The following ADAP1 variants were observed in gnomAD, a reference collection of about 807,000 sequenced individuals.
ADAP1 encodes the protein arf-GAP with dual PH domain-containing protein 1.
In ADAP1, 31 loss-of-function variants were observed where a neutral mutation model predicts 54.9. The observed-to-expected ratio is 0.56, with a 90% CI of 0.42 to 0.76. The LOEUF (loss-of-function observed/expected upper bound fraction) is 0.76, where lower values mean the gene tolerates loss of function less well. ADAP1 is among the 30% of genes least tolerant of loss of function. The pLI is 0.00. For missense variants in ADAP1, 535 were observed against 512.4 expected, an observed-to-expected ratio of 1.04 and a Z score of -0.42; for synonymous variants, 313 against 202.6, an observed-to-expected ratio of 1.55 and a Z score of -4.63.
At chr7:905,777 GAGAAAGGAGAAAGGA>G (rs1562912906) in intron 4 of ADAP1, among the ~76,000 whole-genome samples, 6 of 36,972 alleles carry the variant, frequency 1.6e-4, no homozygotes, top group African/African-American at 2.2e-4. Context: ...AAGGAGAAAG[GAGAAAGGAGAAAGGA>G]GAAAGGAGAA....
At chr7:955,261 A>G, upstream of ADAP1, 1 of 1,543,588 alleles carries the variant, frequency 6.5e-7, no homozygotes, top group East Asian at 2.4e-5. Context: ...ATGGGGGCTG[A>G]CAGGTAACAA....
chr7:906,654 AGGGGGC>A lies in ADAP1; in HGVS notation c.389-1488_389-1483del, dbSNP rs1163698635. Among the ~76,000 whole-genome samples the A allele has an allele frequency of 8.7e-4, 82 of 94,642 alleles. 1 individual carries two copies. Among genetic ancestry groups the A allele is most frequent in the East Asian group, 7.2e-3 (19 of 2,654 alleles). The allele number at this position is 94,642 out of a possible 152,430, so 62.1% of individuals were successfully genotyped here. ...GAGAAAGGAGAAAGGGAAAGGAGAA[AGGGGGC>A]GGGAAAGGGGACATGGACAGGGGAC... On this transcript the variant is annotated intron_variant, in intron 4 of 10. Transcript: ENST00000265846.
intron 1 of ADAP1, among the ~76,000 whole-genome samples, chr7:949,146 G>A (rs1399502926): frequency 6.6e-6 from 1 of 152,218 alleles, no homozygotes; most frequent in Non-Finnish European, 1.5e-5. Flanking sequence ...GACTGCACAG[G>A]GCAAGGCACT....
At position 946,615 on chromosome 7, in the gene ADAP1, G is replaced by A. The variant is rs906670968; in HGVS notation, c.82+7781C>T. 5.3e-5 allele frequency among the ~76,000 whole-genome samples: 6 copies of A among 112,524 alleles called. No homozygotes were observed. The highest frequency in any genetic ancestry group is 4.1e-4 in the Admixed American group (4 of 9,856). 73.8% of individuals were successfully genotyped at this position (112,524 alleles called of 152,430 possible). A position where few individuals can be genotyped will look rare whatever the true frequency, so the allele number is the denominator to read the frequency against. On this transcript the variant is annotated intron_variant, in intron 1 of 10. Coordinates refer to ENST00000265846, the MANE Select transcript of ADAP1 (RefSeq NM_006869.4). This position sits in a 1 kb window ranked among gnomAD's most constrained non-coding sequence, Gnocchi z 4.3. ...TCCAGCCCCATGGCGGGAACCCCAC[G>A]GTGAAGGCCATCCCCAGTCCTCCCT...
Position 935,576 on chromosome 7 carries a change from G to A in ADAP1, c.83-71C>T, listed in dbSNP as rs577535768. ...CCGGAGGGAGGGTGGACGGAGCCTC[G>A]AGTCAGGAGCCCCCGGCCATGCAGT... On this transcript the variant is annotated intron_variant, in intron 1 of 10. Transcript: ENST00000265846. The A allele has an allele frequency of 5.2e-6, 8 of 1,529,390 alleles. No individual in the cohort carries two copies. In the East Asian group the frequency reaches 1.2e-4, roughly 24 times the overall value. 94.7% of individuals were successfully genotyped at this position (1,529,390 alleles called of 1,614,324 possible).
At chr7:937,877 C>T (rs971220388) in intron 1 of ADAP1, among the ~76,000 whole-genome samples, 1 of 152,178 alleles carries the variant, frequency 6.6e-6, no homozygotes, top group Non-Finnish European at 1.5e-5. Flanking sequence ...TTAACGTGGG[C>T]TTCTTGAGGA....
intron 4 of ADAP1, among the ~76,000 whole-genome samples, chr7:912,061 C>T (rs866705896): frequency 2.0e-5 from 3 of 152,196 alleles, no homozygotes; most frequent in Non-Finnish European, 4.4e-5. Flanking sequence ...ACGGGGAAAC[C>T]GAGGCCCCAG....
At chr7:932,474 G>A (rs73044432) in intron 2 of ADAP1, among the ~76,000 whole-genome samples, 5,291 of 152,278 alleles carry the variant, frequency 0.035, 165 homozygotes, top group Non-Finnish European at 0.042. Flanking sequence ...GCCCCTGGAG[G>A]CCCTCCAGGG....
intron 1 of ADAP1, among the ~76,000 whole-genome samples, chr7:935,937 A>T (rs1211113980): frequency 1.3e-5 from 2 of 152,200 alleles, no homozygotes; most frequent in Non-Finnish European, 2.9e-5. Context: ...TGGGAAATTC[A>T]GATAGGATCT....
intron 4 of ADAP1, chr7:905,572 GGAGAAA>G: frequency 8.7e-6 from 1 of 115,348 alleles, no homozygotes; most frequent in South Asian, 3.4e-4. Context: ...AAAGGAGAAA[GGAGAAA>G]GGAGAAAGGA....
chr7:940,720 T>C (rs1846919643), intron 1 of ADAP1, among the ~76,000 whole-genome samples: 3 of 152,160 alleles, frequency 2.0e-5, no homozygotes, highest in Non-Finnish European at 4.4e-5. Flanking sequence ...GAAATCAAAA[T>C]GTAGGTCCAT....
rs368207652 is a variant in ADAP1 at position 918,810 on chromosome 7, G to A, written c.388+1158C>T. On this transcript the variant is annotated intron_variant, in intron 4 of 10. Transcript: ENST00000265846. ...AAACCACTCAAGGCCCACAGTACCC[G>A]AGCCCACCTCCTACAGAGCAGACAG... is the stretch of plus-strand genomic sequence containing the variant. Among the ~76,000 whole-genome samples, 38 of 152,316 alleles carry A rather than the reference G, an allele frequency of 2.5e-4. No individual in the cohort carries two copies. In the East Asian group the frequency reaches 6.9e-3, roughly 28 times the overall value.
chr7:953,806 G>A (rs1847324029), intron 1 of ADAP1, among the ~76,000 whole-genome samples: 1 of 152,224 alleles, frequency 6.6e-6, no homozygotes, highest in Non-Finnish European at 1.5e-5. Flanking sequence ...ACGGGCGGGC[G>A]GCGGGTGGAC....
At chr7:937,577 C>T (rs570211737) in intron 1 of ADAP1, among the ~76,000 whole-genome samples, 2 of 58,520 alleles carry the variant, frequency 3.4e-5, no homozygotes, top group Non-Finnish European at 6.0e-5. Flanking sequence ...TTGGGGGTCA[C>T]GCCCGACCTC....
At chr7:925,413 G>A (rs1234122680) in intron 3 of ADAP1, among the ~76,000 whole-genome samples, 4 of 149,964 alleles carry the variant, frequency 2.7e-5, no homozygotes, top group East Asian at 3.9e-4. Context: ...GGTTGCAGCC[G>A]GGAAGTCCGT....
At chr7:952,670 A>G (rs1196786448) in intron 1 of ADAP1, among the ~76,000 whole-genome samples, 1 of 152,054 alleles carries the variant, frequency 6.6e-6, no homozygotes, top group Non-Finnish European at 1.5e-5. Flanking sequence ...CTCCCTTTGC[A>G]AGGCATCAGT....
intron 4 of ADAP1, among the ~76,000 whole-genome samples, chr7:913,818 C>G (rs530766724): frequency 6.6e-6 from 1 of 152,214 alleles, no homozygotes; most frequent in Admixed American, 6.5e-5. Flanking sequence ...GCCTGTAGTC[C>G]CAGCTACTCA....
At position 946,086 on chromosome 7, in the gene ADAP1, T is replaced by C. The variant is rs1223615441; in HGVS notation, c.82+8310A>G. On this transcript the variant is annotated intron_variant, in intron 1 of 10. Transcript: ENST00000265846. The surrounding 1 kb of genome is among the most constrained non-coding windows in gnomAD (Gnocchi z 4.3). ...GGTGCCCTTGTGGGAGGGGCTCCGG[T>C]GCCCACCACCCTTCACAGCTACGTG... Among the ~76,000 whole-genome samples, 1 of 152,176 alleles carries C rather than the reference T, an allele frequency of 6.6e-6. No individual in the cohort carries two copies. The highest frequency in any genetic ancestry group is 1.9e-4 in the East Asian group (1 of 5,186).
At chr7:947,526 G>A (rs1847171260) in intron 1 of ADAP1, among the ~76,000 whole-genome samples, 3 of 151,880 alleles carry the variant, frequency 2.0e-5, no homozygotes, top group Admixed American at 2.0e-4. Flanking sequence ...CCTGGACACT[G>A]CTCCCACGTC....
Sources: allele counts gnomAD v4.1 joint callset (sites outside exome capture counted in the v4.1 genomes callset), GRCh38; gene constraint gnomAD v4.1.1; non-coding constraint Gnocchi (gnomAD v3.1); transcripts MANE v1.5; gene names NCBI Gene and HGNC (gene_info 2026-07-23, HGNC 2026-07-21).